The following CDH10 variants were observed in gnomAD, a reference collection of about 807,000 sequenced individuals.
CDH10 encodes cadherin-10.
Under a neutral mutation model 73.1 loss-of-function variants are expected in CDH10, and 30 were observed. The ratio of observed to expected loss-of-function variants is 0.41; its 90% CI spans 0.31 to 0.56. The LOEUF is 0.56. Ranked by LOEUF, CDH10 falls within the 20% of genes least tolerant of loss-of-function variation. The probability of loss-of-function intolerance (pLI) is 0.27; values close to 1 mark genes in which losing one functional copy is unlikely to be tolerated. For synonymous variants in CDH10, 345 were observed against 348.2 expected, an observed-to-expected ratio of 0.99 and a Z score of 0.10; for missense variants, 815 against 973.7, an observed-to-expected ratio of 0.84 and a Z score of 2.17.
chr5:24,563,597 C>CAAAAAAA (rs70965616), intron 2 of CDH10, among the ~76,000 whole-genome samples: 1,772 of 88,662 alleles, frequency 0.02, 87 homozygotes, highest in East Asian at 0.025. Context: ...ACTAAAAATA[C>CAAAAAAA]AAAAAAAAAA....
intron 5 of CDH10, among the ~76,000 whole-genome samples, chr5:24,522,857 TACAGTTA>T (rs1330012636): frequency 1.3e-5 from 2 of 152,206 alleles, no homozygotes; most frequent in African/African-American, 2.4e-5. Context: ...ACCTAAATTT[TACAGTTA>T]ACAGTATAGC....
chr5:24,601,177 G>T (rs1746549977), intron 1 of CDH10, among the ~76,000 whole-genome samples: 2 of 152,060 alleles, frequency 1.3e-5, no homozygotes, highest in South Asian at 4.1e-4. Context: ...TGCCTACTGG[G>T]CTTAATGGAA....
At chr5:24,608,701 A>T (rs529251925) in intron 1 of CDH10, among the ~76,000 whole-genome samples, 121 of 152,328 alleles carry the variant, frequency 7.9e-4, no homozygotes, top group Non-Finnish European at 1.5e-3. Flanking sequence ...TCATCCCATC[A>T]CTTAATTAAT....
intron 2 of CDH10, among the ~76,000 whole-genome samples, chr5:24,573,367 T>C (rs1745466926): frequency 6.7e-6 from 1 of 149,606 alleles, no homozygotes. Flanking sequence ...ATGAAGGGAG[T>C]TGTTTCCAAG....
rs369660807 is a variant in CDH10 at position 24,488,177 on chromosome 5, A to T, written c.1877-24T>A. The stretch of plus-strand genomic sequence containing the variant: ...AACTTGAAAAAAGACAAGAAGATAC[A>T]TTAGACGTCCGTTCAAAACACTATA... On this transcript the variant is annotated intron_variant, in intron 11 of 11. Coordinates refer to ENST00000264463, the MANE Select transcript of CDH10 (RefSeq NM_006727.5). 99 of 1,572,258 alleles carry T rather than the reference A, an allele frequency of 6.3e-5. No homozygotes were observed. The African/African-American group carries it at 1.1e-3, about 18-fold the overall frequency.
chr5:24,584,734 G>T (rs768035242), intron 2 of CDH10, among the ~76,000 whole-genome samples: 9 of 151,996 alleles, frequency 5.9e-5, no homozygotes, highest in Admixed American at 2.6e-4. Flanking sequence ...CTCCCGAAGT[G>T]CTGGGATTAC....
At position 24,630,266 on chromosome 5, in the gene CDH10, G is replaced by A. The variant is rs150384488; in HGVS notation, c.-124+14328C>T. Among the ~76,000 whole-genome samples the A allele has an allele frequency of 5.3e-3, 803 of 152,116 alleles. 5 individuals carry two copies. Among genetic ancestry groups the A allele is most frequent in the African/African-American group, 0.019 (771 of 41,522 alleles). On this transcript the variant is annotated intron_variant, in intron 1 of 11. Transcript: ENST00000264463. ...GAGAACTCAGGGAATATTTTAAGGA[G>A]GCCACACACAGGGGCTCACTCCTGT...
chr5:24,533,066 GA>G (rs1743805186), intron 5 of CDH10, among the ~76,000 whole-genome samples: 1 of 151,926 alleles, frequency 6.6e-6, no homozygotes, highest in Non-Finnish European at 1.5e-5. Flanking sequence ...AGATAACTTA[GA>G]AAATAAAAAT....
rs776564516 is a variant in CDH10 at position 24,498,417 on chromosome 5, T to C, written c.1496A>G (p.Glu499Gly). 6.2e-7 allele frequency: 1 copy of C among 1,607,924 alleles called. No homozygotes were observed. Among genetic ancestry groups the C allele is most frequent in the Non-Finnish European group, 8.5e-7 (1 of 1,174,706 alleles). Residue 499 changes from glutamate (E) to glycine (G), a missense_variant, in exon 9 of 12, where the codon GAA becomes GGA. Transcript: ENST00000264463. ...FAVFYDTFVCENARPGQLIQT... is the reference protein window; with the variant it reads ...FAVFYDTFVCGNARPGQLIQT... ...GCTTACCTGCCCTGGTCTGGCATTT[T>C]CACATACAAAAGTGTCATAGAACAC...
chr5:24,560,484 G>GT (rs5866672), intron 2 of CDH10, among the ~76,000 whole-genome samples: 125,863 of 151,944 alleles, frequency 0.83, 52,167 homozygotes, highest in East Asian at 0.9. Flanking sequence ...AAACTATTGT[G>GT]TTTTTTCATT....
chr5:24,614,783 A>C (rs1357001705), intron 1 of CDH10, among the ~76,000 whole-genome samples: 1 of 152,214 alleles, frequency 6.6e-6, no homozygotes, highest in Non-Finnish European at 1.5e-5. Flanking sequence ...ACTGGGGCAT[A>C]GTACAAGACT....
At chr5:24,620,373 GA>G (rs560025595) in intron 1 of CDH10, among the ~76,000 whole-genome samples, 8 of 151,800 alleles carry the variant, frequency 5.3e-5, no homozygotes, top group East Asian at 1.9e-4. Flanking sequence ...AATTGGTTGA[GA>G]AAAAAAATTA....
intron 7 of CDH10, among the ~76,000 whole-genome samples, chr5:24,506,556 A>G (rs751957408): frequency 4.6e-5 from 7 of 152,328 alleles, no homozygotes; most frequent in Non-Finnish European, 1.0e-4. Context: ...AATGAATTTC[A>G]TCTCACATCT....
chr5:24,579,711 C>T (rs1745725412), intron 2 of CDH10, among the ~76,000 whole-genome samples: 1 of 152,090 alleles, frequency 6.6e-6, no homozygotes, highest in Non-Finnish European at 1.5e-5. Context: ...AAGAGGTTTT[C>T]CTGCAGCTCA....
intron 2 of CDH10, among the ~76,000 whole-genome samples, chr5:24,579,982 T>G (rs1235657031): frequency 1.3e-5 from 2 of 152,154 alleles, no homozygotes; most frequent in East Asian, 1.9e-4. Flanking sequence ...TCCCTAATGC[T>G]CTATCGCTTC....
intron 1 of CDH10, among the ~76,000 whole-genome samples, chr5:24,600,994 A>T (rs1462784110): frequency 1.3e-5 from 2 of 151,858 alleles, no homozygotes; most frequent in Non-Finnish European, 2.9e-5. Flanking sequence ...TTTTTTTCTT[A>T]AAAAAATAAA....
chr5:24,629,759 T>C (rs1192463151), intron 1 of CDH10, among the ~76,000 whole-genome samples: 1 of 152,106 alleles, frequency 6.6e-6, no homozygotes, highest in Non-Finnish European at 1.5e-5. Flanking sequence ...GCCTACTTCC[T>C]CTTCTGCCAT....
chr5:24,618,655 A>G (rs1310174391), intron 1 of CDH10, among the ~76,000 whole-genome samples: 3 of 152,212 alleles, frequency 2.0e-5, no homozygotes, highest in Non-Finnish European at 2.9e-5. Context: ...GGCGCTGGTC[A>G]CTTTAAAGAA....
At chr5:24,584,445 CTTTT>C (rs34192671) in intron 2 of CDH10, among the ~76,000 whole-genome samples, 4 of 28,076 alleles carry the variant, frequency 1.4e-4, no homozygotes, top group Non-Finnish European at 2.4e-4. Context: ...CTTTCTTTTC[CTTTT>C]TTTTTTTTTT....
Sources: allele counts gnomAD v4.1 joint callset (sites outside exome capture counted in the v4.1 genomes callset), GRCh38; gene constraint gnomAD v4.1.1; transcripts MANE v1.5; gene names NCBI Gene and HGNC (gene_info 2026-07-23, HGNC 2026-07-21).